Variants in SLC32A1 observed in about 807,000 individuals in gnomAD.
SLC32A1 encodes solute carrier family 32 member 1.
In SLC32A1, 8 loss-of-function variants were observed where a neutral mutation model predicts 35.5. The ratio of observed to expected loss-of-function variants is 0.23; its 90% CI spans 0.13 to 0.41. The LOEUF is 0.41. Among genes scored for constraint, SLC32A1 ranks in the 10% least tolerant of loss-of-function variants. SLC32A1 has a pLI of 1.00. For missense variants in SLC32A1, 493 were observed against 722.3 expected, an observed-to-expected ratio of 0.68 and a Z score of 3.64; for synonymous variants, 317 against 326.3, an observed-to-expected ratio of 0.97 and a Z score of 0.31.
Position 38,725,034 on chromosome 20 carries a change from G to A in SLC32A1, c.310G>A (p.Gly104Ser). The A allele has an allele frequency of 1.3e-6, 2 of 1,539,244 alleles. No individual in the cohort carries two copies. Among genetic ancestry groups the A allele is most frequent in the Non-Finnish European group, 1.7e-6 (2 of 1,145,070 alleles). ...PPSGSKDQVG[G>S]GGEFGGHDKP... is the part of the protein sequence containing the mutation. ...CTCCGGCTCCAAGGACCAGGTGGGA[G>A]GTGGTGGCGAATTCGGGGGCCACGA... Residue 104 changes from glycine (G) to serine (S), a missense_variant, in exon 1 of 2, where the codon GGT becomes AGT. This residue lies in a region of SLC32A1 where 133 missense variants were observed against 145.9 expected (regional missense o/e 0.91). Coordinates refer to ENST00000217420, the MANE Select transcript of SLC32A1 (RefSeq NM_080552.3).
In SLC32A1 at chr20:38,727,621, T is replaced by A. The variant is rs1465427136; in HGVS notation, c.560T>A (p.Val187Glu). 2 of 1,613,582 alleles carry A rather than the reference T, an allele frequency of 1.2e-6. No homozygotes were observed. Among genetic ancestry groups the A allele is most frequent in the African/African-American group, 2.7e-5 (2 of 74,930 alleles). ...GEVVRVRDSY[V>E]AIANACCAPR... ...GTGGTGCGCGTGCGGGACTCGTACG[T>A]GGCCATAGCCAACGCCTGCTGCGCC... Residue 187 changes from valine (V) to glutamate (E), a missense_variant, in exon 2 of 2, where the codon GTG (valine) becomes GAG (glutamate). Val to Glu is a moderately radical substitution (Grantham distance 121, BLOSUM62 -2). This residue lies in a region of SLC32A1 where 46 missense variants were observed against 39.7 expected (regional missense o/e 1.16). Coordinates refer to ENST00000217420, the MANE Select transcript of SLC32A1 (RefSeq NM_080552.3).
Position 38,728,336 on chromosome 20 carries a change from C to T in SLC32A1, c.1275C>T (p.Asp425=), listed in dbSNP as rs749092130. The T allele has an allele frequency of 1.2e-6, 2 of 1,613,020 alleles. No homozygotes were observed. The highest frequency in any genetic ancestry group is 1.7e-6 in the Non-Finnish European group (2 of 1,179,792). The change falls in exon 2 of 2, where the codon GAC becomes GAT. Residue 425 remains aspartate (D), a synonymous_variant. Transcript: ENST00000217420. ...TTTTCCCGGCCTGCTACAGCGGCGA[C>T]GGGCGCCTGAAGTCCTGGGGGCTGA... ...RAFFPACYSG[D]GRLKSWGLTL... is the part of the protein sequence containing the mutation.
rs2084269934 is a variant in SLC32A1, at chr20:38,725,119, G to A, written c.390+5G>A. The A allele has an allele frequency of 7.3e-6, 11 of 1,507,594 alleles. No homozygotes were observed. The East Asian group carries it at 2.3e-4, about 32-fold the overall frequency. 93.4% of individuals were successfully genotyped at this position (1,507,594 alleles called of 1,614,324 possible). On this transcript the variant is annotated splice_donor_5th_base_variant and intron_variant, in intron 1 of 1. Transcript: ENST00000217420. ...AACGTGACCAACGCCATCCAGGTAA[G>A]CGCGGGATTCCCAGTTCTGCCTGTC...
At chr20:38,727,391 G>T (rs1005342626) in intron 1 of SLC32A1, 61 bp from the exon 2 acceptor site, 19 of 1,510,232 alleles carry the variant, frequency 1.3e-5, no homozygotes, top group African/African-American at 4.1e-5. Context: ...CGCCCCCCGG[G>T]CCCCTCATCC....
At chr20:38,727,395 CT>C in intron 1 of SLC32A1, 56 bp from the exon 2 acceptor site, 1 of 1,541,784 alleles carries the variant, frequency 6.5e-7, no homozygotes, top group Non-Finnish European at 8.8e-7. Flanking sequence ...CCCCGGGCCC[CT>C]CATCCGTTGC....
Position 38,726,768 on chromosome 20 carries a change from C to T in SLC32A1, c.391-684C>T, listed in dbSNP as rs2145649208. 6.6e-6 allele frequency among the ~76,000 whole-genome samples: 1 copy of T among 152,236 alleles called. No individual in the cohort carries two copies. The highest frequency in any genetic ancestry group is 2.1e-4 in the South Asian group (1 of 4,826). On this transcript the variant is annotated intron_variant, in intron 1 of 1. Transcript: ENST00000217420. The surrounding 1 kb of genome is among the most constrained non-coding windows in gnomAD (Gnocchi z 4.7). Reference sequence around the variant, plus strand: ...CTCTCAATTTCCAGCCCTGCTTCCTCCTCCCCGCGCGCTGCTCCCCAAGCG... The same window carrying T: ...CTCTCAATTTCCAGCCCTGCTTCCTTCTCCCCGCGCGCTGCTCCCCAAGCG...
Position 38,726,996 on chromosome 20 carries a change from C to T in SLC32A1, c.391-456C>T, listed in dbSNP as rs2084278510. Among the ~76,000 whole-genome samples, 1 of 152,170 alleles carries T rather than the reference C, an allele frequency of 6.6e-6. No homozygotes were observed. Among genetic ancestry groups the T allele is most frequent in the Non-Finnish European group, 1.5e-5 (1 of 68,038 alleles). ...CCACAAATCCCGTGCCCACTCTTTC[C>T]ACTGGCCCAGGCCCAGCTCACTACC... On this transcript the variant is annotated intron_variant, in intron 1 of 1. Transcript: ENST00000217420. This position sits in a 1 kb window ranked among gnomAD's most constrained non-coding sequence, Gnocchi z 4.7.
rs756524798 is a variant in SLC32A1, at chr20:38,728,177, T to C, written c.1116T>C (p.Asp372=). Residue 372 remains aspartate (D), a synonymous_variant, in exon 2 of 2, where the codon GAT becomes GAC. Transcript: ENST00000217420. ...ACGAGACCAAGGAGGTCATCACGGA[T>C]AACCTGCCCGGCTCCATCCGCGCCG... ...WADETKEVIT[D]NLPGSIRAVV... 3 of 1,614,002 alleles carry C rather than the reference T, an allele frequency of 1.9e-6. No individual in the cohort carries two copies. Among genetic ancestry groups the C allele is most frequent in the Non-Finnish European group, 2.5e-6 (3 of 1,180,042 alleles).
At chr20:38,725,218 T>G (rs2084270594) in intron 1 of SLC32A1, 104 bp downstream of exon 1, 2 of 1,362,834 alleles carry the variant, frequency 1.5e-6, no homozygotes, top group East Asian at 2.6e-5. Flanking sequence ...GGAGACCCCC[T>G]CCTGTACCCA....
chr20:38,728,039 G>A lies in SLC32A1; in HGVS notation c.978G>A (p.Leu326=), dbSNP rs1379183078. 6.2e-7 allele frequency: 1 copy of A among 1,613,930 alleles called. No homozygotes were observed. Among genetic ancestry groups the A allele is most frequent in the East Asian group, 2.2e-5 (1 of 44,898 alleles). ...SYTSQIFLPS[L]EGNMQQPSEF... ...CGTCTCAGATCTTCCTGCCTTCGCTGGAGGGCAATATGCAGCAGCCCAGCG... is the reference window on the plus strand; with the variant it reads ...CGTCTCAGATCTTCCTGCCTTCGCTAGAGGGCAATATGCAGCAGCCCAGCG... The change falls in exon 2 of 2, where the codon CTG becomes CTA. Residue 326 remains leucine (L), a synonymous_variant. Coordinates refer to ENST00000217420, the MANE Select transcript of SLC32A1 (RefSeq NM_080552.3).
Position 38,724,815 on chromosome 20 carries a change from A to G in SLC32A1, c.91A>G (p.Met31Val). Reference sequence around the variant, plus strand: ...CAAGATGAGCGGCATGTTCGCCAGGATGGGTTTTCAGGCGGCCACGGATGA... The same window carrying G: ...CAAGATGAGCGGCATGTTCGCCAGGGTGGGTTTTCAGGCGGCCACGGATGA... ...QAKMSGMFAR[M>V]GFQAATDEEA... The change falls in exon 1 of 2, where the codon ATG (methionine) becomes GTG (valine). Residue 31 changes from methionine to valine, a missense_variant. By Grantham distance (21) the Met-to-Val change is conservative. This residue lies in a region of SLC32A1 where 133 missense variants were observed against 145.9 expected (regional missense o/e 0.91). Transcript: ENST00000217420. The G allele has an allele frequency of 6.2e-7, 1 of 1,613,948 alleles. No homozygotes were observed. The highest frequency in any genetic ancestry group is 2.2e-5 in the East Asian group (1 of 44,878).
chr20:38,728,597 C>G lies in SLC32A1; in HGVS notation c.1536C>G (p.Leu512=). 1 of 1,611,992 alleles carries G rather than the reference C, an allele frequency of 6.2e-7. No individual in the cohort carries two copies. The highest frequency in any genetic ancestry group is 8.5e-7 in the Non-Finnish European group (1 of 1,179,486). The change falls in exon 2 of 2, where the codon CTC becomes CTG. Residue 512 remains leucine (L), a synonymous_variant. Coordinates refer to ENST00000217420, the MANE Select transcript of SLC32A1 (RefSeq NM_080552.3). ...GCGTGTCCGGCTTCGTGCACTCCCT[C>G]GAGGGCCTCATCGAAGCCTACCGAA... ...ICSVSGFVHS[L]EGLIEAYRTN... is the part of the protein sequence containing the mutation.
Position 38,728,262 on chromosome 20 carries a change from G to T in SLC32A1, c.1201G>T (p.Ala401Ser). 1 of 1,613,876 alleles carries T rather than the reference G, an allele frequency of 6.2e-7. No homozygotes were observed. Among genetic ancestry groups the T allele is most frequent in the Non-Finnish European group, 8.5e-7 (1 of 1,179,820 alleles). ...LLSYPLPFFA[A>S]VEVLEKSLFQ... ...GTCCTATCCTCTGCCATTCTTTGCC[G>T]CTGTCGAGGTGCTGGAGAAGTCGCT... Residue 401 changes from alanine to serine, a missense_variant, in exon 2 of 2, where the codon GCT becomes TCT. Ala to Ser is a moderately conservative substitution (Grantham distance 99, BLOSUM62 1). Coordinates refer to ENST00000217420, the MANE Select transcript of SLC32A1 (RefSeq NM_080552.3).
chr20:38,728,714 G>A lies in SLC32A1; in HGVS notation c.*75G>A. 7.3e-7 allele frequency: 1 copy of A among 1,377,696 alleles called. No individual in the cohort carries two copies. Among genetic ancestry groups the A allele is most frequent in the Non-Finnish European group, 9.7e-7 (1 of 1,030,908 alleles). 85.3% of individuals were successfully genotyped at this position (1,377,696 alleles called of 1,614,324 possible). ...CTCACCCCGCCCCCACCAGCCCAGT[G>A]CGCCCTGCCGCCGCGCTTGGGAGGC... On this transcript the variant is annotated 3_prime_UTR_variant, in exon 2 of 2. Coordinates refer to ENST00000217420, the MANE Select transcript of SLC32A1 (RefSeq NM_080552.3).
In SLC32A1 at chr20:38,724,645, C is replaced by A. The variant is rs1389946960; in HGVS notation, c.-80C>A. 1.4e-5 allele frequency: 21 copies of A among 1,494,482 alleles called. No homozygotes were observed. Among genetic ancestry groups the A allele is most frequent in the South Asian group, 2.6e-5 (2 of 75,836 alleles). The allele number at this position is 1,494,482 out of a possible 1,614,324, so 92.6% of individuals were successfully genotyped here. ...AGCAAGCGGAGATAGCGACTTTGCG[C>A]CCCCCAGCCCTCGCCTTCTTGCATC... On this transcript the variant is annotated 5_prime_UTR_variant, in exon 1 of 2. Coordinates refer to ENST00000217420, the MANE Select transcript of SLC32A1 (RefSeq NM_080552.3).
intron 1 of SLC32A1, 21 bp from the exon 2 acceptor site, chr20:38,727,431 G>A: frequency 6.3e-7 from 1 of 1,597,984 alleles, no homozygotes; most frequent in Non-Finnish European, 8.5e-7. Context: ...GTCCGCGTCT[G>A]GTTGCCTCTC....
chr20:38,724,518 TC>T lies in SLC32A1; in HGVS notation c.-205del. 1.6e-6 allele frequency: 1 copy of T among 619,068 alleles called. No homozygotes were observed. The highest frequency in any genetic ancestry group is 2.6e-6 in the Non-Finnish European group (1 of 382,446). The allele number at this position is 619,068 out of a possible 1,614,324, so 38.3% of individuals were successfully genotyped here. ...TAGCCACCACCGCCGCCGCCGCCGC[TC>T]CGCCAGACCTGCTGCCAGCTTGCCC... On this transcript the variant is annotated 5_prime_UTR_variant, in exon 1 of 2. Transcript: ENST00000217420.
Position 38,727,647 on chromosome 20 carries a change from C to G in SLC32A1, c.586C>G (p.Pro196Ala). ...YVAIANACCA[P>A]RFPTLGGRVV... ...GGCCATAGCCAACGCCTGCTGCGCC[C>G]CGCGCTTCCCAACGCTGGGCGGCCG... is the stretch of plus-strand genomic sequence containing the variant. The change falls in exon 2 of 2, where the codon CCG becomes GCG. Residue 196 changes from proline (P) to alanine (A), a missense_variant. By Grantham distance (27) the Pro-to-Ala change is conservative. Transcript: ENST00000217420. 6.2e-7 allele frequency: 1 copy of G among 1,614,122 alleles called. No individual in the cohort carries two copies. The highest frequency in any genetic ancestry group is 1.1e-5 in the South Asian group (1 of 91,088).
Position 38,724,573 on chromosome 20 carries a change from C to G in SLC32A1, c.-152C>G. On this transcript the variant is annotated 5_prime_UTR_variant, in exon 1 of 2. Coordinates refer to ENST00000217420, the MANE Select transcript of SLC32A1 (RefSeq NM_080552.3). The stretch of plus-strand genomic sequence containing the variant: ...CCAGCCCTGAGAGAGCCTCGAACGC[C>G]AGCTGCGAGGGTCATGAGCCAGAGA... 1 of 969,580 alleles carries G rather than the reference C, an allele frequency of 1.0e-6. No homozygotes were observed. The highest frequency in any genetic ancestry group is 1.5e-6 in the Non-Finnish European group (1 of 675,508). The allele number at this position is 969,580 out of a possible 1,614,324, so 60.1% of individuals were successfully genotyped here.
Sources: allele counts gnomAD v4.1 joint callset (sites outside exome capture counted in the v4.1 genomes callset), GRCh38; gene constraint gnomAD v4.1.1; regional missense constraint gnomAD v4.1.1; non-coding constraint Gnocchi (gnomAD v3.1); transcripts MANE v1.5; gene names NCBI Gene and HGNC (gene_info 2026-07-23, HGNC 2026-07-21).